DCC: variants seen among roughly 807,000 people sequenced by gnomAD.
The protein encoded by DCC is DCC netrin 1 receptor.
In DCC, 58 loss-of-function variants were observed where a neutral mutation model predicts 172.5. The ratio of observed to expected loss-of-function variants is 0.34; its 90% CI spans 0.27 to 0.42. The LOEUF is 0.42. Ranked by LOEUF, DCC falls within the 10% of genes least tolerant of loss-of-function variation. The probability of loss-of-function intolerance (pLI) is 1.00; values close to 1 mark genes in which losing one functional copy is unlikely to be tolerated. For synonymous variants in DCC, 709 were observed against 644.5 expected, an observed-to-expected ratio of 1.10 and a Z score of -1.52; for missense variants, 1,740 against 1,791.0, an observed-to-expected ratio of 0.97 and a Z score of 0.51.
chr18:52,972,493 G>A (rs796846800), intron 5 of DCC, among the ~76,000 whole-genome samples: 8 of 148,488 alleles, frequency 5.4e-5, no homozygotes, highest in African/African-American at 1.5e-4. Flanking sequence ...GGAAATACAC[G>A]TAAGTGTACA....
intron 5 of DCC, among the ~76,000 whole-genome samples, chr18:52,989,210 TA>T (rs1198458113): frequency 6.6e-6 from 1 of 152,114 alleles, no homozygotes; most frequent in African/African-American, 2.4e-5. Context: ...TTTTATTTAT[TA>T]AAAAATATAT....
At chr18:52,820,121 C>T (rs191811407) in intron 2 of DCC, among the ~76,000 whole-genome samples, 158 of 152,282 alleles carry the variant, frequency 1.0e-3, no homozygotes, top group African/African-American at 3.6e-3. Flanking sequence ...CCCCACTTGA[C>T]ATTCCATTGC....
intron 1 of DCC, among the ~76,000 whole-genome samples, chr18:52,632,705 T>C (rs975103523): frequency 1.3e-5 from 2 of 152,210 alleles, no homozygotes; most frequent in Non-Finnish European, 2.9e-5. Context: ...ATTCCTGTGG[T>C]TTCACGCTCC....
intron 1 of DCC, among the ~76,000 whole-genome samples, chr18:52,465,504 C>T (rs980262559): frequency 6.6e-6 from 1 of 152,138 alleles, no homozygotes; most frequent in Admixed American, 6.6e-5. Context: ...ATAGCCACCT[C>T]ATGCCACTGA....
intron 12 of DCC, among the ~76,000 whole-genome samples, chr18:53,237,729 T>C (rs2056227563): frequency 6.6e-6 from 1 of 152,186 alleles, no homozygotes; most frequent in South Asian, 2.1e-4. Context: ...AATCAAATTA[T>C]AATTCCCATT....
chr18:52,374,401 A>G (rs1433146102), intron 1 of DCC, among the ~76,000 whole-genome samples: 1 of 152,138 alleles, frequency 6.6e-6, no homozygotes, highest in Non-Finnish European at 1.5e-5. Context: ...CTCCAGAACA[A>G]GTATGTTCAG....
At chr18:53,256,225 C>G (rs2056511198) in intron 12 of DCC, among the ~76,000 whole-genome samples, 1 of 152,084 alleles carries the variant, frequency 6.6e-6, no homozygotes, top group African/African-American at 2.4e-5. Context: ...TAATTAGATC[C>G]CATTTGTCAA....
chr18:52,813,178 ATCT>A (rs1041625686), intron 2 of DCC, among the ~76,000 whole-genome samples: 5 of 151,350 alleles, frequency 3.3e-5, no homozygotes, highest in Admixed American at 2.6e-4. Context: ...TCCAGGAAAA[ATCT>A]TCTTAAATTT....
chr18:53,189,751 C>G (rs1258730018), intron 9 of DCC, among the ~76,000 whole-genome samples: 1 of 152,050 alleles, frequency 6.6e-6, no homozygotes, highest in Non-Finnish European at 1.5e-5. Flanking sequence ...GCTTAGGTGG[C>G]CTGAAGGAAA....
intron 12 of DCC, among the ~76,000 whole-genome samples, chr18:53,297,443 C>T (rs571289277): frequency 6.6e-6 from 1 of 152,168 alleles, no homozygotes; most frequent in South Asian, 2.1e-4. Context: ...TTCATTGATT[C>T]GGATAGAACA....
chr18:53,327,557 A>G (rs951978229), intron 14 of DCC, among the ~76,000 whole-genome samples: 1 of 152,198 alleles, frequency 6.6e-6, no homozygotes, highest in African/African-American at 2.4e-5. Flanking sequence ...TTAGCTATCA[A>G]AAGTCGGCAG....
At chr18:52,520,123 A>T (rs2144664386) in intron 1 of DCC, among the ~76,000 whole-genome samples, 1 of 152,284 alleles carries the variant, frequency 6.6e-6, no homozygotes, top group African/African-American at 2.4e-5. Context: ...CTCTTCCTAA[A>T]CCAGTGCTTC....
intron 2 of DCC, among the ~76,000 whole-genome samples, chr18:52,801,370 C>G (rs2037981832): frequency 6.6e-6 from 1 of 152,004 alleles, no homozygotes; most frequent in Non-Finnish European, 1.5e-5. Flanking sequence ...GTAACAAAGC[C>G]TATTCTAATG....
At chr18:53,074,112 T>C (rs1470866530) in intron 7 of DCC, among the ~76,000 whole-genome samples, 4 of 152,146 alleles carry the variant, frequency 2.6e-5, no homozygotes, top group Non-Finnish European at 5.9e-5. Context: ...CTTCTTACTT[T>C]GATATTAACT....
intron 12 of DCC, among the ~76,000 whole-genome samples, chr18:53,236,696 A>G (rs190375743): frequency 1.1e-3 from 168 of 152,146 alleles, no homozygotes; most frequent in African/African-American, 3.4e-3. Flanking sequence ...ATATTCTTCT[A>G]TGTTTTACTA....
chr18:52,548,025 C>G (rs1165130409), intron 1 of DCC, among the ~76,000 whole-genome samples: 1 of 152,130 alleles, frequency 6.6e-6, no homozygotes, highest in Admixed American at 6.5e-5. Context: ...TTTCTATCCT[C>G]AGGTATGGAG....
chr18:52,841,436 A>T (rs921964981), intron 2 of DCC, among the ~76,000 whole-genome samples: 1 of 152,160 alleles, frequency 6.6e-6, no homozygotes, highest in East Asian at 1.9e-4. Flanking sequence ...GTCTCTAAGT[A>T]TTTCCACTAG....
chr18:53,081,089 C>T (rs2042793543), intron 7 of DCC, among the ~76,000 whole-genome samples: 1 of 152,010 alleles, frequency 6.6e-6, no homozygotes, highest in Non-Finnish European at 1.5e-5. Context: ...CCTTAAATAT[C>T]AGAAGGTAAA....
chr18:52,884,291 C>G (rs562878209), intron 2 of DCC, among the ~76,000 whole-genome samples: 201 of 152,062 alleles, frequency 1.3e-3, no homozygotes, highest in Non-Finnish European at 2.1e-3. Flanking sequence ...ACTTTCTGTT[C>G]CTATCTTTTT....
Sources: allele counts gnomAD v4.1 joint callset (sites outside exome capture counted in the v4.1 genomes callset), GRCh38; gene constraint gnomAD v4.1.1; transcripts MANE v1.5; gene names NCBI Gene and HGNC (gene_info 2026-07-23, HGNC 2026-07-21).